OSBP2: variants seen among roughly 807,000 people sequenced by gnomAD.
The protein encoded by OSBP2 is oxysterol-binding protein 2.
A neutral mutation model predicts 96.0 loss-of-function variants in OSBP2; 66 were observed. That is an observed-to-expected ratio of 0.69 (90% CI 0.56 to 0.84). The LOEUF is 0.84. OSBP2 is among the 40% of genes least tolerant of loss of function. The pLI is 0.00. For synonymous variants in OSBP2, 525 were observed against 520.9 expected (o/e 1.01, Z -0.11); for missense variants, 1,038 against 1,222.7 (o/e 0.85, Z 2.25).
intron 2 of OSBP2, among the ~76,000 whole-genome samples, chr22:30,757,419 C>A (rs542790621): frequency 6.6e-6 from 1 of 151,378 alleles, no homozygotes; most frequent in Non-Finnish European, 1.5e-5. Context: ...TTTCTTTTTC[C>A]TTTTCTTTTC....
At chr22:30,772,854 G>A (rs953219046) in intron 2 of OSBP2, among the ~76,000 whole-genome samples, 15 of 150,952 alleles carry the variant, frequency 9.9e-5, no homozygotes, top group African/African-American at 2.7e-4. Flanking sequence ...GTGCAGTGGC[G>A]TGGTCTTGGC....
At chr22:30,821,696 T>C (rs895009734) in intron 2 of OSBP2, among the ~76,000 whole-genome samples, 1 of 152,172 alleles carries the variant, frequency 6.6e-6, no homozygotes, top group South Asian at 2.1e-4. Context: ...GCTTCTTTAC[T>C]GGAAATTTTT....
intron 1 of OSBP2, among the ~76,000 whole-genome samples, chr22:30,740,953 T>C (rs1376838502): frequency 1.3e-5 from 2 of 152,080 alleles, no homozygotes; most frequent in African/African-American, 4.8e-5. Flanking sequence ...CCTCTGCCAT[T>C]CCCCACAGAG....
chr22:30,884,655 AG>A, intron 3 of OSBP2, among the ~76,000 whole-genome samples: 1 of 152,124 alleles, frequency 6.6e-6, no homozygotes, highest in Middle Eastern at 3.4e-3. Flanking sequence ...CTTTCCACCG[AG>A]CCAGGCCAGC....
intron 2 of OSBP2, among the ~76,000 whole-genome samples, chr22:30,838,195 G>C (rs2038676640): frequency 1.3e-5 from 2 of 152,124 alleles, no homozygotes; most frequent in African/African-American, 4.8e-5. Flanking sequence ...CCAATTTAGA[G>C]GGTCCCAGCA....
chr22:30,822,650 G>T, intron 2 of OSBP2: 1 of 1,533,622 alleles, frequency 6.5e-7, no homozygotes, highest in Non-Finnish European at 8.7e-7. Context: ...CGCGGCTGCT[G>T]GGACACGGCC....
intron 2 of OSBP2, among the ~76,000 whole-genome samples, chr22:30,858,915 A>AATAATAAT (rs1337873376): frequency 8.9e-5 from 10 of 111,846 alleles, no homozygotes; most frequent in African/African-American, 3.9e-4. Context: ...ATAATAATAA[A>AATAATAAT]AGCATTCCCA....
At chr22:30,856,296 A>G (rs1365673410) in intron 2 of OSBP2, among the ~76,000 whole-genome samples, 1 of 151,412 alleles carries the variant, frequency 6.6e-6, no homozygotes, top group African/African-American at 2.4e-5. Context: ...CCACACCAGA[A>G]GGTTCCTGAG....
intron 2 of OSBP2, among the ~76,000 whole-genome samples, chr22:30,789,146 A>G (rs572486218): frequency 6.6e-6 from 1 of 152,348 alleles, no homozygotes; most frequent in African/African-American, 2.4e-5. Flanking sequence ...ATGTCCCTGC[A>G]GGAACAGATG....
chr22:30,731,212 A>C (rs2145723882), intron 1 of OSBP2, among the ~76,000 whole-genome samples: 1 of 152,128 alleles, frequency 6.6e-6, no homozygotes, highest in African/African-American at 2.4e-5. Context: ...AAGAGCTGAC[A>C]CTTTGGGAGG....
At chr22:30,813,612 G>A (rs1364366754) in intron 2 of OSBP2, among the ~76,000 whole-genome samples, 1 of 151,990 alleles carries the variant, frequency 6.6e-6, no homozygotes, top group African/African-American at 2.4e-5. Flanking sequence ...GCTGCTGCAG[G>A]GATAACAGTG....
chr22:30,802,662 A>G (rs1168765648), intron 2 of OSBP2, among the ~76,000 whole-genome samples: 1 of 152,186 alleles, frequency 6.6e-6, no homozygotes, highest in East Asian at 1.9e-4. Flanking sequence ...TCTGGGCGAG[A>G]GAAGAAGGCT....
At chr22:30,694,775 A>G (rs71324178), upstream of OSBP2, 602,309 of 602,370 alleles carry the variant, frequency 1, 301,125 homozygotes, top group East Asian at 1. Context: ...ACGGGCACGG[A>G]GCGCACGGGA....
chr22:30,905,928 C>T lies in OSBP2; in HGVS notation c.2467C>T (p.Arg823Trp). ...EGVAPTDSRL[R>W]PDQRLMEKGR... is the part of the protein sequence containing the mutation. ...CGTAGCGCCAACCGACAGCCGCCTG[C>T]GGCCCGACCAGCGGCTGATGGAGAA... The change falls in exon 13 of 14, where the codon CGG becomes TGG. Residue 823 changes from arginine (R) to tryptophan (W), a missense_variant. Arg to Trp is a moderately radical substitution (Grantham distance 101). Transcript: ENST00000332585. 1.2e-6 allele frequency: 2 copies of T among 1,612,922 alleles called. No homozygotes were observed. Among genetic ancestry groups the T allele is most frequent in the African/African-American group, 1.3e-5 (1 of 75,060 alleles).
At chr22:30,827,288 C>T (rs2038424940) in intron 2 of OSBP2, among the ~76,000 whole-genome samples, 2 of 152,126 alleles carry the variant, frequency 1.3e-5, no homozygotes, top group African/African-American at 2.4e-5. Flanking sequence ...AAGGAGGCCT[C>T]ATGGTAGTGC....
Position 30,808,027 on chromosome 22 carries a change from C to T in OSBP2, c.854-62402C>T, listed in dbSNP as rs560650321. ...CTGGTCTGGAACTCCTGGGCTCAAG[C>T]GATCCTCCTGCCTCTTCCTCCCAAA... On this transcript the variant is annotated intron_variant, in intron 2 of 13. Coordinates refer to ENST00000332585, the MANE Select transcript of OSBP2 (RefSeq NM_030758.4). Among the ~76,000 whole-genome samples the T allele has an allele frequency of 4.6e-5, 7 of 152,174 alleles. No homozygotes were observed. In the South Asian group the frequency reaches 1.2e-3, roughly 27 times the overall value.
rs1189103133 is a variant in OSBP2, at chr22:30,887,526, T to C, written c.1208T>C (p.Ile403Thr). 6.2e-7 allele frequency: 1 copy of C among 1,613,726 alleles called. No homozygotes were observed. Among genetic ancestry groups the C allele is most frequent in the South Asian group, 1.1e-5 (1 of 91,084 alleles). ...CAGCGCGTGCACTTGGAGGAAACCA[T>C]TGAGCAGCTGGCGAAGCAGCACAAC... The part of the protein sequence containing the change: ...QEQRVHLEET[I>T]EQLAKQHNSL... The change falls in exon 4 of 14, where the codon ATT (isoleucine) becomes ACT (threonine). Residue 403 changes from isoleucine (I) to threonine (T), a missense_variant. By Grantham distance (89) the Ile-to-Thr change is moderately conservative. Around this residue, in one of 3 missense-constraint regions of OSBP2, gnomAD observed 737 missense variants for 913.3 expected, o/e 0.81. Transcript: ENST00000332585.
chr22:30,748,272 G>T (rs1234433824), intron 2 of OSBP2, among the ~76,000 whole-genome samples: 1 of 151,612 alleles, frequency 6.6e-6, no homozygotes, highest in African/African-American at 2.4e-5. Flanking sequence ...TGCAACCTCC[G>T]CCTCCTGAGG....
At chr22:30,789,007 C>T (rs1314822845) in intron 2 of OSBP2, among the ~76,000 whole-genome samples, 2 of 152,208 alleles carry the variant, frequency 1.3e-5, no homozygotes, top group African/African-American at 4.8e-5. Flanking sequence ...GCCACCACAC[C>T]TGGCCAAACA....
Sources: allele counts gnomAD v4.1 joint callset (sites outside exome capture counted in the v4.1 genomes callset), GRCh38; gene constraint gnomAD v4.1.1; regional missense constraint gnomAD v4.1.1; transcripts MANE v1.5; gene names NCBI Gene and HGNC (gene_info 2026-07-23, HGNC 2026-07-21).